The following CEP95 variants were observed in gnomAD, a reference collection of about 807,000 sequenced individuals.
CEP95 encodes the protein centrosomal protein 95.
A neutral mutation model predicts 111.2 loss-of-function variants in CEP95; 98 were observed. The ratio of observed to expected loss-of-function variants is 0.88; its 90% confidence interval spans 0.75 to 1.04. The LOEUF (loss-of-function observed/expected upper bound fraction) is 1.04. Among genes scored for constraint, CEP95 ranks in the 50% least tolerant of loss-of-function variants. CEP95 has a pLI of 0.00. For synonymous variants in CEP95, 323 were observed against 327.1 expected (o/e 0.99, Z 0.14); for missense variants, 1,027 against 977.2 (o/e 1.05, Z -0.68).
intron 8 of CEP95, among the ~76,000 whole-genome samples, chr17:64,524,701 G>A (rs568066310): frequency 2.0e-5 from 3 of 152,100 alleles, no homozygotes; most frequent in Non-Finnish European, 2.9e-5. Flanking sequence ...GGCCGGGTGC[G>A]GTGGCTCACA....
Position 64,531,959 on chromosome 17 carries a change from T to C in CEP95, c.1609T>C (p.Ser537Pro), listed in dbSNP as rs782367488. ...PECSQPWKIY[S>P]RKTTTQSLRG... is the part of the protein sequence containing the mutation. ...ATGTAGTCAGCCCTGGAAGATTTAC[T>C]CTAGAAAAACCACAACGCAGAGTCT... Residue 537 changes from serine to proline, a missense_variant, in exon 14 of 20, where the codon TCT becomes CCT. Ser to Pro is a moderately conservative substitution (Grantham distance 74). Transcript: ENST00000556440. 1.4e-5 allele frequency: 23 copies of C among 1,611,220 alleles called. No individual in the cohort carries two copies. Among genetic ancestry groups the C allele is most frequent in the Non-Finnish European group, 9.3e-6 (11 of 1,179,182 alleles).
intron 3 of CEP95, among the ~76,000 whole-genome samples, chr17:64,511,534 T>G (rs1337636013): frequency 1.3e-5 from 2 of 152,220 alleles, no homozygotes; most frequent in Non-Finnish European, 2.9e-5. Flanking sequence ...GTTATCTGTC[T>G]TATTCCCTGA....
At chr17:64,526,544 C>T (rs541830014) in intron 10 of CEP95, among the ~76,000 whole-genome samples, 1 of 152,298 alleles carries the variant, frequency 6.6e-6, no homozygotes, top group Admixed American at 6.5e-5. Context: ...ATCACTGATT[C>T]TCACAAAATA....
At position 64,537,853 on chromosome 17, in the gene CEP95, C is replaced by CTT. The variant is rs1968765491; in HGVS notation, c.*74_*75insTT. On this transcript the variant is annotated 3_prime_UTR_variant, in exon 20 of 20. Transcript: ENST00000556440. ...ACAGAGCTAGAATCGAGCCAGTAAA[C>CTT]AGTCTAAGCCAGAAAAATAATTTTC... is the stretch of plus-strand genomic sequence containing the variant. 1.9e-5 allele frequency: 14 copies of CTT among 749,688 alleles called. 1 individual carries two copies. In the South Asian group the frequency reaches 7.0e-4, roughly 37 times the overall value. The allele number at this position is 749,688 out of a possible 1,614,324, so 46.4% of individuals were successfully genotyped here.
chr17:64,514,140 C>T, intron 3 of CEP95, 108 bp from the exon 4 acceptor site: 2 of 530,816 alleles, frequency 3.8e-6, no homozygotes, highest in East Asian at 5.7e-5. Flanking sequence ...GTATGTATCG[C>T]CTGTATTCTT....
In CEP95 at chr17:64,531,888, A is replaced by C. The variant is rs1251297397; in HGVS notation, c.1540-2A>C. On this transcript the variant is annotated splice_acceptor_variant, in intron 13 of 19. Transcript: ENST00000556440. LOFTEE classifies it high-confidence loss of function. ...TTATTCTGTTTTATATCTGCTTCTA[A>C]GGAAAAAATATACAGAGGAGAAGCT... 6.4e-7 allele frequency: 1 copy of C among 1,555,960 alleles called. No individual in the cohort carries two copies. The highest frequency in any genetic ancestry group is 1.7e-4 in the Middle Eastern group (1 of 5,878).
chr17:64,529,929 G>A (rs1355919220), intron 12 of CEP95, among the ~76,000 whole-genome samples: 2 of 152,114 alleles, frequency 1.3e-5, no homozygotes, highest in Non-Finnish European at 2.9e-5. Flanking sequence ...TTTATAATGC[G>A]GTAGGATTTA....
intron 11 of CEP95, among the ~76,000 whole-genome samples, chr17:64,528,931 A>G (rs1968062764): frequency 6.6e-6 from 1 of 152,240 alleles, no homozygotes; most frequent in East Asian, 1.9e-4. Flanking sequence ...CCACCTTCTC[A>G]GGACCCAGAT....
At chr17:64,529,657 T>C (rs1319477945) in intron 12 of CEP95, among the ~76,000 whole-genome samples, 1 of 152,132 alleles carries the variant, frequency 6.6e-6, no homozygotes, top group Non-Finnish European at 1.5e-5. Flanking sequence ...GGTGTTCCAG[T>C]AGATTAAGAA....
At chr17:64,530,404 A>T (rs1394605014) in intron 12 of CEP95, among the ~76,000 whole-genome samples, 2 of 151,976 alleles carry the variant, frequency 1.3e-5, no homozygotes, top group African/African-American at 4.8e-5. Flanking sequence ...AGAAAACCAT[A>T]CATTTGTGAT....
chr17:64,523,468 T>G (rs1337256548), intron 8 of CEP95, among the ~76,000 whole-genome samples: 1 of 152,042 alleles, frequency 6.6e-6, no homozygotes, highest in African/African-American at 2.4e-5. Flanking sequence ...TTATCCACCA[T>G]GAACCACTGT....
At chr17:64,526,296 T>C in intron 10 of CEP95, 96 bp downstream of exon 10, 1 of 1,221,396 alleles carries the variant, frequency 8.2e-7, no homozygotes, top group Admixed American at 2.5e-5. Context: ...GAAAATTAGT[T>C]GTGTCTTATT....
chr17:64,506,824 G>T, upstream of CEP95: 2 of 586,524 alleles, frequency 3.4e-6, no homozygotes, highest in Non-Finnish European at 6.1e-6. Context: ...CGACCCGCGT[G>T]TCTGATAATC....
Position 64,537,881 on chromosome 17 carries a change from A to ATG in CEP95, c.*103_*104dup, listed in dbSNP as rs576059747. On this transcript the variant is annotated 3_prime_UTR_variant, in exon 20 of 20. Coordinates refer to ENST00000556440, the MANE Select transcript of CEP95 (RefSeq NM_138363.3). ...TCTAAGCCAGAAAAATAATTTTCAAATGCTTTACCTGTATTTTCATTCCAG... is the reference window on the plus strand; with the variant it reads ...TCTAAGCCAGAAAAATAATTTTCAAATGTGCTTTACCTGTATTTTCATTCCAG... The ATG allele has an allele frequency of 1.3e-3, 713 of 552,770 alleles. 3 individuals are homozygous for ATG. The highest frequency in any genetic ancestry group is 0.013 in the African/African-American group (653 of 51,526). The allele number at this position is 552,770 out of a possible 1,614,324, so 34.2% of individuals were successfully genotyped here. A position where few individuals can be genotyped will look rare whatever the true frequency, so the allele number is the denominator to read the frequency against.
At chr17:64,517,253 G>A (rs181851951) in intron 5 of CEP95, among the ~76,000 whole-genome samples, 117 of 152,094 alleles carry the variant, frequency 7.7e-4, no homozygotes, top group Admixed American at 3.9e-3. Flanking sequence ...CACCATGTTG[G>A]TCAGGCTGGC....
At chr17:64,506,787 C>T (rs1158904397), upstream of CEP95, 3 of 539,548 alleles carry the variant, frequency 5.6e-6, no homozygotes, top group Non-Finnish European at 1.0e-5. Flanking sequence ...CGGGACCCGC[C>T]CGGGCTGCCG....
intron 9 of CEP95, 66 bp from the exon 10 acceptor site, chr17:64,525,993 AAGTACGTATTAC>A: frequency 6.6e-7 from 1 of 1,523,866 alleles, no homozygotes; most frequent in African/African-American, 1.4e-5. Context: ...GTATTTGTTA[AAGTACGTATTAC>A]AGTTATTTTA....
Position 64,516,755 on chromosome 17 carries a change from C to A in CEP95, c.400C>A (p.Arg134=), listed in dbSNP as rs575763735. 7 of 1,611,446 alleles carry A rather than the reference C, an allele frequency of 4.3e-6. No individual in the cohort carries two copies. Among genetic ancestry groups the A allele is most frequent in the South Asian group, 2.2e-5 (2 of 90,974 alleles). ...TGAACAGTATTTTAAAGAATCTGAT[C>A]GAGGAGAACGTTTGGAAGAGCCAGA... ...ETEQYFKESD[R]GERLEEPEST... Residue 134 remains arginine (R), a synonymous_variant, in exon 5 of 20, where the codon CGA becomes AGA. Coordinates refer to ENST00000556440, the MANE Select transcript of CEP95 (RefSeq NM_138363.3).
Position 64,510,161 on chromosome 17 carries a change from TTC to T in CEP95, c.149-11_149-10del, listed in dbSNP as rs1555674447. The T allele has an allele frequency of 7.2e-6, 11 of 1,525,384 alleles. No homozygotes were observed. Among genetic ancestry groups the T allele is most frequent in the Non-Finnish European group, 9.9e-6 (11 of 1,107,512 alleles). 94.5% of individuals were successfully genotyped at this position (1,525,384 alleles called of 1,614,324 possible). A position where few individuals can be genotyped will look rare whatever the true frequency, so the allele number is the denominator to read the frequency against. ...CATGGATACAAAATTATGTGATTTT[TTC>T]CCCCCCCAGACCTCATAGTTATTCC... On this transcript the variant is annotated splice_polypyrimidine_tract_variant and intron_variant, in intron 2 of 19. Transcript: ENST00000556440.
Sources: allele counts gnomAD v4.1 joint callset (sites outside exome capture counted in the v4.1 genomes callset), GRCh38; gene constraint gnomAD v4.1.1; transcripts MANE v1.5; gene names NCBI Gene and HGNC (gene_info 2026-07-23, HGNC 2026-07-21).